GALNT16: variants seen among roughly 807,000 people sequenced by gnomAD.
The protein encoded by GALNT16 is UDP-GalNAc:polypeptide N-acetylgalactosaminyltransferase-like protein 1.
A neutral mutation model predicts 76.1 loss-of-function variants in GALNT16; 40 were observed. That is an observed-to-expected ratio of 0.53 (90% CI 0.41 to 0.68). The LOEUF (loss-of-function observed/expected upper bound fraction) is 0.68. Among genes scored for constraint, GALNT16 ranks in the 30% least tolerant of loss-of-function variants. The pLI, the probability that GALNT16 is intolerant of heterozygous loss-of-function variation, is 0.00. For synonymous variants in GALNT16, 276 were observed against 285.2 expected (o/e 0.97, Z 0.32); for missense variants, 621 against 731.9 (o/e 0.85, Z 1.75).
At chr14:69,327,392 G>A (rs1218993353) in intron 5 of GALNT16, among the ~76,000 whole-genome samples, 2 of 152,190 alleles carry the variant, frequency 1.3e-5, no homozygotes, top group East Asian at 3.9e-4. Flanking sequence ...GACCAGTCAG[G>A]CCAAGGGGCC....
At chr14:69,342,373 C>T (rs1480192754) in intron 12 of GALNT16, among the ~76,000 whole-genome samples, 2 of 149,790 alleles carry the variant, frequency 1.3e-5, no homozygotes, top group Non-Finnish European at 3.0e-5. Flanking sequence ...TGCAGTGAGC[C>T]CTGGTTATGC....
At position 69,260,196 on chromosome 14, in the gene GALNT16, G is replaced by T; in HGVS notation, c.-95G>T. On this transcript the variant is annotated 5_prime_UTR_variant, in exon 1 of 15. Coordinates refer to ENST00000448469, the MANE Select transcript of GALNT16 (RefSeq NM_001168368.2). Reference sequence around the variant, plus strand: ...TCTGCAGGACTGAGCAGCTAGGCGCGAGCGAAAACAAACAGCTGGGGCTGC... The same window carrying T: ...TCTGCAGGACTGAGCAGCTAGGCGCTAGCGAAAACAAACAGCTGGGGCTGC... 3.2e-6 allele frequency: 2 copies of T among 632,494 alleles called. No homozygotes were observed. Among genetic ancestry groups the T allele is most frequent in the South Asian group, 2.9e-5 (2 of 68,218 alleles). 39.2% of individuals were successfully genotyped at this position (632,494 alleles called of 1,614,324 possible). A position where few individuals can be genotyped will look rare whatever the true frequency, so the allele number is the denominator to read the frequency against.
At chr14:69,273,099 A>G (rs922314233) in intron 1 of GALNT16, among the ~76,000 whole-genome samples, 1 of 152,232 alleles carries the variant, frequency 6.6e-6, no homozygotes, top group Non-Finnish European at 1.5e-5. Context: ...CTAATTCACC[A>G]TTATCCGTGA....
At chr14:69,303,140 G>C (rs1237996982) in intron 1 of GALNT16, among the ~76,000 whole-genome samples, 1 of 152,152 alleles carries the variant, frequency 6.6e-6, no homozygotes, top group African/African-American at 2.4e-5. Flanking sequence ...TGATGCATTT[G>C]CCAAGTTGTT....
intron 2 of GALNT16, among the ~76,000 whole-genome samples, chr14:69,323,418 G>C (rs2045232503): frequency 6.6e-6 from 1 of 152,188 alleles, no homozygotes; most frequent in East Asian, 1.9e-4. Flanking sequence ...GGTGTGGGTG[G>C]GTTTGCCCCC....
chr14:69,295,860 GAT>G (rs1034761588), intron 1 of GALNT16, among the ~76,000 whole-genome samples: 14 of 152,140 alleles, frequency 9.2e-5, no homozygotes, highest in African/African-American at 3.1e-4. Flanking sequence ...AGTATAAGAA[GAT>G]ATTTCTTTCA....
chr14:69,377,463 G>A, the GALNT16 span, among the ~76,000 whole-genome samples: 1 of 152,088 alleles, frequency 6.6e-6, no homozygotes, highest in African/African-American at 2.4e-5. Flanking sequence ...CTATGTCTAA[G>A]TGGCAATACT....
intron 1 of GALNT16, among the ~76,000 whole-genome samples, chr14:69,308,230 T>TTATAAACTATTTATGTAAAATGAATCAC (rs2044967152): frequency 2.0e-5 from 3 of 151,370 alleles, no homozygotes; most frequent in Non-Finnish European, 1.5e-5. Context: ...CCTTTTATCT[T>TTATAAACTATTTATGTAAAATGAATCAC]AGGTAGAGAA....
At chr14:69,300,019 C>T (rs1032175010) in intron 1 of GALNT16, among the ~76,000 whole-genome samples, 2 of 152,244 alleles carry the variant, frequency 1.3e-5, no homozygotes, top group African/African-American at 4.8e-5. Flanking sequence ...CTCTCTTCCC[C>T]AGCCCATCAG....
intron 1 of GALNT16, among the ~76,000 whole-genome samples, chr14:69,309,301 CT>C (rs531638001): frequency 2.8e-3 from 396 of 141,530 alleles, no homozygotes; most frequent in Middle Eastern, 7.2e-3. Context: ...TCTTTTCCTT[CT>C]TTTTTTTTTT....
chr14:69,367,803 A>G, the GALNT16 span, among the ~76,000 whole-genome samples: 3 of 152,110 alleles, frequency 2.0e-5, no homozygotes, highest in Non-Finnish European at 4.4e-5. Flanking sequence ...AATTTGGGCA[A>G]CATAGGGAGA....
intron 1 of GALNT16, among the ~76,000 whole-genome samples, chr14:69,266,990 A>G (rs926199585): frequency 2.6e-5 from 4 of 152,230 alleles, no homozygotes; most frequent in Admixed American, 2.0e-4. Context: ...CGAGGCCTGC[A>G]TAGGTGTTTC....
intron 1 of GALNT16, among the ~76,000 whole-genome samples, chr14:69,296,583 C>T (rs544129943): frequency 3.9e-5 from 6 of 152,222 alleles, no homozygotes; most frequent in African/African-American, 1.4e-4. Flanking sequence ...GTCCCAGCTA[C>T]TCAGGAGGCT....
At chr14:69,289,487 G>A (rs943045945) in intron 1 of GALNT16, among the ~76,000 whole-genome samples, 1 of 152,166 alleles carries the variant, frequency 6.6e-6, no homozygotes, top group Non-Finnish European at 1.5e-5. Flanking sequence ...TCAGGCCTAA[G>A]GCTTGAGAGC....
At chr14:69,262,705 AC>A (rs2044291734) in intron 1 of GALNT16, among the ~76,000 whole-genome samples, 1 of 151,682 alleles carries the variant, frequency 6.6e-6, no homozygotes, top group South Asian at 2.1e-4. Flanking sequence ...TTCCACCAGC[AC>A]TGACCCCCCC....
chr14:69,377,065 G>A, the GALNT16 span, among the ~76,000 whole-genome samples: 2 of 152,198 alleles, frequency 1.3e-5, no homozygotes, highest in African/African-American at 2.4e-5. Context: ...ATACTCCCGT[G>A]GAAGAGAAAC....
downstream of GALNT16, chr14:69,359,396 C>T (rs1273235800): frequency 6.6e-6 from 1 of 152,216 alleles, no homozygotes; most frequent in South Asian, 2.1e-4. Flanking sequence ...AGAAAGCACG[C>T]AATATACACT....
the GALNT16 span, among the ~76,000 whole-genome samples, chr14:69,370,345 T>C: frequency 7.2e-5 from 11 of 152,134 alleles, no homozygotes; most frequent in African/African-American, 2.7e-4. Flanking sequence ...CATCATTCCC[T>C]CTTCTGCTCA....
chr14:69,270,159 GA>G (rs757978482), intron 1 of GALNT16, among the ~76,000 whole-genome samples: 13 of 152,264 alleles, frequency 8.5e-5, no homozygotes, highest in Non-Finnish European at 1.6e-4. Flanking sequence ...AGACCCCCTG[GA>G]GGCTGAAGCC....
Sources: gnomAD v4.1 joint callset for allele counts (sites outside exome capture counted in the v4.1 genomes callset) on GRCh38, gnomAD v4.1.1 for gene constraint, MANE v1.5 for transcripts, NCBI Gene and HGNC (gene_info 2026-07-23, HGNC 2026-07-21) for gene names.